SRPK2: variants seen among roughly 807,000 people sequenced by gnomAD.
SRPK2 encodes SRSF protein kinase 2.
SRPK2 carries 21 observed loss-of-function variants against 90.8 expected under a neutral mutation model. The observed-to-expected ratio is 0.23, with a 90% confidence interval of 0.16 to 0.33. The LOEUF is 0.33. Ranked by LOEUF, SRPK2 falls within the 10% of genes least tolerant of loss-of-function variation. The pLI is 1.00. For missense variants in SRPK2, 620 were observed against 869.0 expected, an observed-to-expected ratio of 0.71 and a Z score of 3.60; for synonymous variants, 288 against 311.1, an observed-to-expected ratio of 0.93 and a Z score of 0.78.
intron 2 of SRPK2, among the ~76,000 whole-genome samples, chr7:105,272,936 C>T (rs545622299): frequency 5.3e-5 from 8 of 152,206 alleles, no homozygotes; most frequent in East Asian, 1.9e-4. Context: ...CTTTCCCGGC[C>T]GGGCGCGGTG....
chr7:105,179,032 T>C (rs6943183), intron 3 of SRPK2, among the ~76,000 whole-genome samples: 46,146 of 151,888 alleles, frequency 0.3, 7,336 homozygotes, highest in Middle Eastern at 0.35. Context: ...TTTTATAAAA[T>C]ATAAAAATAT....
chr7:105,118,920 C>T (rs1283903231), intron 15 of SRPK2, among the ~76,000 whole-genome samples: 2 of 152,162 alleles, frequency 1.3e-5, no homozygotes, highest in African/African-American at 4.8e-5. Flanking sequence ...CTCCCCATAA[C>T]CTTTTCAAAA....
intron 2 of SRPK2, among the ~76,000 whole-genome samples, chr7:105,277,064 G>A (rs900169966): frequency 1.3e-5 from 2 of 150,312 alleles, no homozygotes; most frequent in African/African-American, 4.9e-5. Flanking sequence ...CCTTCTTGGT[G>A]TCTCCAACTT....
At chr7:105,124,438 C>A (rs539507300) in intron 15 of SRPK2, among the ~76,000 whole-genome samples, 1 of 151,698 alleles carries the variant, frequency 6.6e-6, no homozygotes, top group African/African-American at 2.4e-5. Flanking sequence ...GTCAGGAGTT[C>A]GAGACCAGCC....
chr7:105,372,136 TAAAAAAAAAA>T (rs55928342), intron 2 of SRPK2, among the ~76,000 whole-genome samples: 1 of 76,772 alleles, frequency 1.3e-5, no homozygotes, highest in African/African-American at 5.2e-5. Context: ...CTCCAACTCA[TAAAAAAAAAA>T]AAAAAAAAAA....
intron 2 of SRPK2, among the ~76,000 whole-genome samples, chr7:105,352,570 G>C (rs1369789465): frequency 6.6e-6 from 1 of 152,234 alleles, no homozygotes; most frequent in Non-Finnish European, 1.5e-5. Flanking sequence ...AAACCACTAT[G>C]CTTCACAGTA....
chr7:105,198,567 G>A (rs1563071483), intron 3 of SRPK2, among the ~76,000 whole-genome samples: 1 of 152,150 alleles, frequency 6.6e-6, no homozygotes, highest in African/African-American at 2.4e-5. Flanking sequence ...AGAGGTTAAG[G>A]AAACACACCC....
chr7:105,252,618 G>A (rs1056730251), intron 2 of SRPK2, among the ~76,000 whole-genome samples: 1 of 152,062 alleles, frequency 6.6e-6, no homozygotes, highest in African/African-American at 2.4e-5. Flanking sequence ...ATTCCACTTA[G>A]GCAGCACTGG....
At chr7:105,162,050 AT>A (rs1016194440) in intron 6 of SRPK2, among the ~76,000 whole-genome samples, 3 of 151,526 alleles carry the variant, frequency 2.0e-5, no homozygotes, top group African/African-American at 7.3e-5. Flanking sequence ...GCCCAGCTTA[AT>A]TTTTTTTTGA....
intron 3 of SRPK2, among the ~76,000 whole-genome samples, chr7:105,200,857 C>T (rs1002051662): frequency 3.3e-5 from 5 of 152,162 alleles, no homozygotes; most frequent in African/African-American, 9.7e-5. Context: ...ACAGAATATG[C>T]GCTTCTGCCA....
chr7:105,140,778 T>C (rs1017489188), intron 11 of SRPK2, among the ~76,000 whole-genome samples: 6 of 151,392 alleles, frequency 4.0e-5, no homozygotes, highest in African/African-American at 1.2e-4. Flanking sequence ...CTGACCAACA[T>C]GGTGAAACCC....
chr7:105,203,241 C>T (rs891145719), intron 3 of SRPK2, among the ~76,000 whole-genome samples: 1 of 152,138 alleles, frequency 6.6e-6, no homozygotes, highest in Non-Finnish European at 1.5e-5. Context: ...CTGCCCACCT[C>T]GACCTCCTAA....
At chr7:105,142,559 T>A in intron 10 of SRPK2, 69 bp from the exon 11 acceptor site, 1 of 1,512,866 alleles carries the variant, frequency 6.6e-7, no homozygotes. Flanking sequence ...TAAGTACTTA[T>A]CTCCATCAAT....
chr7:105,170,993 A>G (rs546204013), intron 3 of SRPK2, among the ~76,000 whole-genome samples: 13 of 139,052 alleles, frequency 9.3e-5, no homozygotes, highest in African/African-American at 3.4e-4. Flanking sequence ...GAAAGAAAGA[A>G]AGAGAAAGAA....
chr7:105,397,985 G>T (rs887055602), intron 1 of SRPK2, among the ~76,000 whole-genome samples: 1 of 152,040 alleles, frequency 6.6e-6, no homozygotes, highest in Non-Finnish European at 1.5e-5. Flanking sequence ...AATGTAATGA[G>T]GATGATTTAA....
chr7:105,251,884 C>G (rs1013353552), intron 2 of SRPK2, among the ~76,000 whole-genome samples: 1 of 152,162 alleles, frequency 6.6e-6, no homozygotes, highest in Non-Finnish European at 1.5e-5. Context: ...AATTCAGTGT[C>G]GTGGCTTGAG....
At chr7:105,377,693 C>T (rs1389271040) in intron 2 of SRPK2, among the ~76,000 whole-genome samples, 1 of 151,862 alleles carries the variant, frequency 6.6e-6, no homozygotes, top group African/African-American at 2.4e-5. Context: ...GAGCAAGACC[C>T]CGTATCAAAA....
rs1226363838 is a variant in SRPK2, at chr7:105,141,944, C to T, written c.1543+64G>A. On this transcript the variant is annotated intron_variant, in intron 11 of 15. Coordinates refer to ENST00000393651, the MANE Select transcript of SRPK2 (RefSeq NM_182692.3). The stretch of plus-strand genomic sequence containing the variant: ...CCACTTCCAGCCAATTCCTTCACAG[C>T]ATTTGTTAAAGGCACGTCCCTGGAG... The T allele has an allele frequency of 2.9e-5, 44 of 1,532,384 alleles. No homozygotes were observed. In the Middle Eastern group the frequency reaches 5.3e-4, roughly 18 times the overall value. The allele number at this position is 1,532,384 out of a possible 1,614,324, so 94.9% of individuals were successfully genotyped here.
intron 7 of SRPK2, among the ~76,000 whole-genome samples, chr7:105,159,466 A>AAAAAAAAAAAAAAAAAAAAC (rs1316365933): frequency 5.4e-4 from 62 of 114,302 alleles, no homozygotes; most frequent in East Asian, 9.5e-4. Context: ...AAAAAAAAAA[A>AAAAAAAAAAAAAAAAAAAAC]AAAAAAACCG....
Sources: allele counts gnomAD v4.1 joint callset (sites outside exome capture counted in the v4.1 genomes callset), GRCh38; gene constraint gnomAD v4.1.1; transcripts MANE v1.5; gene names NCBI Gene and HGNC (gene_info 2026-07-23, HGNC 2026-07-21).